Variants in TAOK3 observed in about 807,000 individuals in gnomAD.
TAOK3 encodes the protein TAO kinase 3.
Under a neutral mutation model 120.4 loss-of-function variants are expected in TAOK3, and 40 were observed. The observed-to-expected ratio is 0.33, with a 90% CI of 0.26 to 0.43. The LOEUF is 0.43. Among genes scored for constraint, TAOK3 ranks in the 20% least tolerant of loss-of-function variants. The pLI, the probability that TAOK3 is intolerant of heterozygous loss-of-function variation, is 1.00. For missense variants in TAOK3, 821 were observed against 1,112.1 expected (o/e 0.74, Z 3.72); for synonymous variants, 355 against 387.5 (o/e 0.92, Z 0.99).
At chr12:118,363,592 A>G (rs1200380500) in intron 1 of TAOK3, among the ~76,000 whole-genome samples, 3 of 152,220 alleles carry the variant, frequency 2.0e-5, no homozygotes, top group Admixed American at 1.3e-4. Flanking sequence ...AGAAGGACTC[A>G]TGAAAGATGG....
chr12:118,337,454 C>T (rs147108757), intron 1 of TAOK3, among the ~76,000 whole-genome samples: 5 of 152,298 alleles, frequency 3.3e-5, no homozygotes, highest in Admixed American at 6.5e-5. Context: ...TACATAAAAA[C>T]TTGTACGAGA....
At chr12:118,170,540 T>C (rs1054662796) in intron 17 of TAOK3, among the ~76,000 whole-genome samples, 3 of 152,162 alleles carry the variant, frequency 2.0e-5, no homozygotes, top group Non-Finnish European at 4.4e-5. Flanking sequence ...GGCAGGCAGG[T>C]CACTTGAGCT....
chr12:118,223,239 T>A (rs187057075), intron 9 of TAOK3, among the ~76,000 whole-genome samples: 3 of 149,416 alleles, frequency 2.0e-5, no homozygotes, highest in African/African-American at 7.4e-5. Flanking sequence ...CCCGGCTAAT[T>A]TTTTTGTATT....
At chr12:118,288,545 A>C (rs544636197) in intron 1 of TAOK3, among the ~76,000 whole-genome samples, 5 of 152,204 alleles carry the variant, frequency 3.3e-5, no homozygotes, top group Non-Finnish European at 5.9e-5. Flanking sequence ...ACTGTGAGAA[A>C]GTAAATTTTA....
chr12:118,330,687 G>GA (rs1038790195), intron 1 of TAOK3, among the ~76,000 whole-genome samples: 5 of 82,024 alleles, frequency 6.1e-5, no homozygotes, highest in Non-Finnish European at 1.1e-4. Flanking sequence ...AAGAAACCAA[G>GA]AAAAAAAAAT....
rs1180676237 is a variant in TAOK3, at chr12:118,161,546, T to C, written c.2139+242A>G. Among the ~76,000 whole-genome samples, 1 of 152,236 alleles carries C rather than the reference T, an allele frequency of 6.6e-6. No individual in the cohort carries two copies. The highest frequency in any genetic ancestry group is 1.5e-5 in the Non-Finnish European group (1 of 68,042). ...TCATGAAGTGCTCAGAGAAATTCCA[T>C]AATGGATATGATGACAAATTGATAG... On this transcript the variant is annotated intron_variant, in intron 18 of 20. Coordinates refer to ENST00000392533, the MANE Select transcript of TAOK3 (RefSeq NM_016281.4). The surrounding 1 kb of genome is among the most constrained non-coding windows in gnomAD (Gnocchi z 4.5).
At chr12:118,317,787 C>T (rs1227572985) in intron 1 of TAOK3, among the ~76,000 whole-genome samples, 1 of 151,520 alleles carries the variant, frequency 6.6e-6, no homozygotes, top group Admixed American at 6.6e-5. Context: ...TTCAAAGGAC[C>T]CAGAATAGCA....
chr12:118,294,705 C>T (rs2042610542), intron 1 of TAOK3, among the ~76,000 whole-genome samples: 2 of 152,096 alleles, frequency 1.3e-5, no homozygotes, highest in Non-Finnish European at 2.9e-5. Flanking sequence ...ACACAGCATA[C>T]ACTATATAAA....
intron 1 of TAOK3, among the ~76,000 whole-genome samples, chr12:118,271,277 A>T (rs1296987375): frequency 1.3e-5 from 2 of 152,150 alleles, no homozygotes; most frequent in Admixed American, 1.3e-4. Flanking sequence ...TATTTTTAGA[A>T]CATTTTCATC....
rs1317536646 is a variant in TAOK3, at chr12:118,160,550, A to G, written c.2140-192T>C. Among the ~76,000 whole-genome samples the G allele has an allele frequency of 6.6e-5, 10 of 152,210 alleles. No homozygotes were observed. The highest frequency in any genetic ancestry group is 1.5e-4 in the Non-Finnish European group (10 of 68,030). On this transcript the variant is annotated intron_variant, in intron 18 of 20. Coordinates refer to ENST00000392533, the MANE Select transcript of TAOK3 (RefSeq NM_016281.4). The surrounding 1 kb of genome is among the most constrained non-coding windows in gnomAD (Gnocchi z 4.2). ...TAACTCTACCTGTACTTTTGGTTTT[A>G]TATTGAATGACTATAAGTAATTTTG...
intron 11 of TAOK3, among the ~76,000 whole-genome samples, chr12:118,209,965 G>A (rs1235628514): frequency 1.3e-5 from 2 of 152,158 alleles, no homozygotes; most frequent in Non-Finnish European, 2.9e-5. Context: ...GCATTCCAAA[G>A]TGCTGGGATT....
In TAOK3 at chr12:118,270,929, A is replaced by G. The variant is rs376846265; in HGVS notation, c.-193-4170T>C. Among the ~76,000 whole-genome samples the G allele has an allele frequency of 2.2e-3, 331 of 152,076 alleles. 2 individuals are homozygous for G. The highest frequency in any genetic ancestry group is 7.1e-3 in the African/African-American group (293 of 41,494). On this transcript the variant is annotated intron_variant, in intron 1 of 20. Transcript: ENST00000392533. Reference sequence around the variant, plus strand: ...TCTGACCTCGTGATCCGCCCGCCTCAGCCTCCCAAAGTGCTGGGATTACAG... The same window carrying G: ...TCTGACCTCGTGATCCGCCCGCCTCGGCCTCCCAAAGTGCTGGGATTACAG...
At chr12:118,282,539 T>C (rs2042132001) in intron 1 of TAOK3, among the ~76,000 whole-genome samples, 1 of 152,212 alleles carries the variant, frequency 6.6e-6, no homozygotes, top group Admixed American at 6.5e-5. Flanking sequence ...GGGTTTTTAG[T>C]TGCAAATAAT....
chr12:118,260,768 C>T (rs1272783122), intron 2 of TAOK3, among the ~76,000 whole-genome samples: 5 of 152,154 alleles, frequency 3.3e-5, no homozygotes, highest in African/African-American at 1.2e-4. Context: ...GCAACCTCTG[C>T]CTCCCAGGTT....
At chr12:118,356,271 A>G (rs995703845) in intron 1 of TAOK3, among the ~76,000 whole-genome samples, 1 of 149,980 alleles carries the variant, frequency 6.7e-6, no homozygotes, top group East Asian at 1.9e-4. Flanking sequence ...CAGGATCTCA[A>G]TATCTTCTCA....
At chr12:118,307,111 T>C (rs186015976) in intron 1 of TAOK3, among the ~76,000 whole-genome samples, 2 of 152,346 alleles carry the variant, frequency 1.3e-5, no homozygotes, top group East Asian at 1.9e-4. Flanking sequence ...ATACAGGTTA[T>C]ATCATTGCCT....
chr12:118,269,386 T>C (rs866629872), intron 1 of TAOK3, among the ~76,000 whole-genome samples: 10 of 88,750 alleles, frequency 1.1e-4, no homozygotes, highest in African/African-American at 5.7e-5. Flanking sequence ...CTCTCTTCTT[T>C]TTTTTTTTTT....
chr12:118,369,048 C>T lies in TAOK3; in HGVS notation c.-194+3600G>A, dbSNP rs1216144482. 6.1e-5 allele frequency among the ~76,000 whole-genome samples: 9 copies of T among 148,034 alleles called. No homozygotes were observed. In the East Asian group the frequency reaches 1.8e-3, roughly 30 times the overall value. On this transcript the variant is annotated intron_variant, in intron 1 of 20. Coordinates refer to ENST00000392533, the MANE Select transcript of TAOK3 (RefSeq NM_016281.4). ...AGAAGAAGAAGAAGAAAAAGCCAGG[C>T]GTGATGGTATTTGCCTGTGGTCCCA...
chr12:118,174,389 T>C (rs75908328), intron 16 of TAOK3, among the ~76,000 whole-genome samples: 6 of 152,056 alleles, frequency 3.9e-5, no homozygotes, highest in African/African-American at 1.2e-4. Context: ...TTTTTTTTTT[T>C]TCATGAGCAT....
Sources: gnomAD v4.1 joint callset for allele counts (sites outside exome capture counted in the v4.1 genomes callset) on GRCh38, gnomAD v4.1.1 for gene constraint, Gnocchi (gnomAD v3.1) non-coding constraint, MANE v1.5 for transcripts, NCBI Gene and HGNC (gene_info 2026-07-23, HGNC 2026-07-21) for gene names.